Variants in LRRC74A observed in about 807,000 individuals in gnomAD.
LRRC74A encodes leucine-rich repeat-containing protein 74A.
In LRRC74A, 44 loss-of-function variants were observed where a neutral mutation model predicts 57.9. The ratio of observed to expected loss-of-function variants is 0.76; its 90% confidence interval spans 0.60 to 0.98. The LOEUF (loss-of-function observed/expected upper bound fraction) is 0.98. Ranked by LOEUF, LRRC74A falls within the 50% of genes least tolerant of loss-of-function variation. The pLI is 0.00. For synonymous variants in LRRC74A, 211 were observed against 219.4 expected (o/e 0.96, Z 0.34); for missense variants, 572 against 574.0 (o/e 1.00, Z 0.04).
At chr14:76,834,419 CAATT>C (rs1196964018) in intron 3 of LRRC74A, among the ~76,000 whole-genome samples, 1 of 152,182 alleles carries the variant, frequency 6.6e-6, no homozygotes, top group Non-Finnish European at 1.5e-5. Flanking sequence ...ATTCATTTGA[CAATT>C]AATCATCATG....
chr14:76,868,149 G>C (rs930719446), intron 13 of LRRC74A, among the ~76,000 whole-genome samples: 6 of 152,204 alleles, frequency 3.9e-5, no homozygotes, highest in Non-Finnish European at 8.8e-5. Flanking sequence ...ATGAAACAGA[G>C]CTCTAGAGAA....
intron 5 of LRRC74A, among the ~76,000 whole-genome samples, chr14:76,843,283 G>T (rs1181183209): frequency 8.4e-6 from 1 of 118,504 alleles, no homozygotes; most frequent in East Asian, 2.4e-4. Context: ...GCGAGACTCC[G>T]TCTCAAAAAA....
intron 7 of LRRC74A, among the ~76,000 whole-genome samples, chr14:76,851,615 C>T (rs888252201): frequency 1.3e-5 from 2 of 151,874 alleles, no homozygotes; most frequent in African/African-American, 2.4e-5. Context: ...GCCTCGGCCT[C>T]CCAAAGTGCT....
chr14:76,854,792 T>G (rs1177007799), intron 9 of LRRC74A, among the ~76,000 whole-genome samples: 2 of 152,184 alleles, frequency 1.3e-5, no homozygotes, highest in African/African-American at 4.8e-5. Flanking sequence ...TAGATGCTAT[T>G]GAGCAGTTGG....
intron 7 of LRRC74A, among the ~76,000 whole-genome samples, chr14:76,848,030 C>T (rs907348427): frequency 4.0e-5 from 6 of 150,198 alleles, no homozygotes; most frequent in African/African-American, 1.5e-4. Flanking sequence ...AAACATTAGC[C>T]GGTGTAGTGG....
At chr14:76,847,109 G>C (rs532884235) in intron 7 of LRRC74A, among the ~76,000 whole-genome samples, 1 of 152,150 alleles carries the variant, frequency 6.6e-6, no homozygotes, top group Non-Finnish European at 1.5e-5. Flanking sequence ...AGAAAAGCGA[G>C]GTGGCAGGAG....
intron 2 of LRRC74A, among the ~76,000 whole-genome samples, chr14:76,830,918 T>G (rs1325842259): frequency 1.3e-5 from 2 of 152,176 alleles, no homozygotes; most frequent in Non-Finnish European, 2.9e-5. Context: ...CCTGGGCAGG[T>G]GGGGTGAAGC....
chr14:76,849,350 T>C (rs556525199), intron 7 of LRRC74A, among the ~76,000 whole-genome samples: 2 of 151,204 alleles, frequency 1.3e-5, no homozygotes, highest in African/African-American at 4.9e-5. Context: ...AGAGATGGGT[T>C]TTCACCATGT....
chr14:76,848,959 A>G (rs938836259), intron 7 of LRRC74A, among the ~76,000 whole-genome samples: 2 of 152,190 alleles, frequency 1.3e-5, no homozygotes, highest in South Asian at 2.1e-4. Context: ...CTATTTTCTC[A>G]GTGAAGTAGG....
At chr14:76,867,276 G>T (rs1322513371) in intron 12 of LRRC74A, 80 bp from the exon 13 acceptor site, 19 of 423,010 alleles carry the variant, frequency 4.5e-5, no homozygotes, top group Non-Finnish European at 6.2e-5. Flanking sequence ...GTGTTGGGGG[G>T]GTAGTGTGTT....
rs989729496 is a variant in LRRC74A at position 76,870,225 on chromosome 14, G to A, written c.*76G>A. 8.1e-6 allele frequency: 12 copies of A among 1,482,484 alleles called. No individual in the cohort carries two copies. In the Admixed American group the frequency reaches 2.1e-4, roughly 26 times the overall value. 91.8% of individuals were successfully genotyped at this position (1,482,484 alleles called of 1,614,324 possible). ...CGGATGGTGGCAGGGAGGAGAGCAA[G>A]AGGTGGCTGAAATCTCGATGGACAG... On this transcript the variant is annotated 3_prime_UTR_variant, in exon 14 of 14. Transcript: ENST00000689127.
intron 6 of LRRC74A, 27 bp from the exon 7 acceptor site, chr14:76,844,793 T>C (rs745761187): frequency 7.7e-7 from 1 of 1,303,532 alleles, no homozygotes; most frequent in South Asian, 1.2e-5. Context: ...CAAAAAATCC[T>C]TCTCTTTCCC....
chr14:76,836,426 C>A, intron 4 of LRRC74A, 112 bp downstream of exon 4: 1 of 670,822 alleles, frequency 1.5e-6, no homozygotes, highest in Non-Finnish European at 2.6e-6. Flanking sequence ...CTCCTGCCCG[C>A]CCCTGCCCTT....
chr14:76,832,283 T>C (rs1896026546), intron 3 of LRRC74A, among the ~76,000 whole-genome samples: 1 of 152,198 alleles, frequency 6.6e-6, no homozygotes, highest in Non-Finnish European at 1.5e-5. Flanking sequence ...AAAGGAACCC[T>C]TCCATCCATT....
intron 7 of LRRC74A, among the ~76,000 whole-genome samples, chr14:76,851,670 CT>C (rs35857490): frequency 0.16 from 20,617 of 129,648 alleles, 1,773 homozygotes; most frequent in South Asian, 0.29. Context: ...ATAATTCTCA[CT>C]TTTTTTTTTT....
intron 5 of LRRC74A, among the ~76,000 whole-genome samples, chr14:76,840,080 T>C (rs990639415): frequency 6.6e-6 from 1 of 152,158 alleles, no homozygotes; most frequent in Non-Finnish European, 1.5e-5. Context: ...TGATGTCAAG[T>C]TTTATAGTCT....
chr14:76,838,116 C>T (rs1595354688), intron 5 of LRRC74A, 145 bp downstream of exon 5: 4 of 560,650 alleles, frequency 7.1e-6, no homozygotes, highest in East Asian at 5.9e-5. Flanking sequence ...CTGCTAAACC[C>T]TCCCAGTCAC....
chr14:76,862,205 G>A (rs1797425200), intron 11 of LRRC74A, among the ~76,000 whole-genome samples: 1 of 152,166 alleles, frequency 6.6e-6, no homozygotes, highest in African/African-American at 2.4e-5. Context: ...TGGAAAGATG[G>A]GATGGCTACA....
In LRRC74A at chr14:76,844,419, A is replaced by T. The variant is rs1391769549; in HGVS notation, c.545-4A>T. On this transcript the variant is annotated splice_polypyrimidine_tract_variant and splice_region_variant and intron_variant, in intron 5 of 13. Coordinates refer to ENST00000689127, the MANE Select transcript of LRRC74A (RefSeq NM_001385106.1). ...GCATCACTGACACACCACCCTCACT[A>T]CAGGAAATGACTTCAAGGAAGACTC... is the stretch of plus-strand genomic sequence containing the variant. 1 of 1,612,316 alleles carries T rather than the reference A, an allele frequency of 6.2e-7. No individual in the cohort carries two copies. The highest frequency in any genetic ancestry group is 8.5e-7 in the Non-Finnish European group (1 of 1,179,252).
Sources: allele counts gnomAD v4.1 joint callset (sites outside exome capture counted in the v4.1 genomes callset), GRCh38; gene constraint gnomAD v4.1.1; transcripts MANE v1.5; gene names NCBI Gene and HGNC (gene_info 2026-07-23, HGNC 2026-07-21).